Variants in SHTN1 observed in about 807,000 individuals in gnomAD.
The protein encoded by SHTN1 is shootin-1.
In SHTN1, 42 loss-of-function variants were observed where a neutral mutation model predicts 83.1. The ratio of observed to expected loss-of-function variants is 0.51; its 90% CI spans 0.39 to 0.65. The LOEUF is 0.65. Ranked by LOEUF, SHTN1 falls within the 30% of genes least tolerant of loss-of-function variation. The pLI, the probability that SHTN1 is intolerant of heterozygous loss-of-function variation, is 0.00. For missense variants in SHTN1, 622 were observed against 737.8 expected (o/e 0.84, Z 1.82); for synonymous variants, 224 against 247.7 (o/e 0.90, Z 0.90).
intron 9 of SHTN1, among the ~76,000 whole-genome samples, chr10:116,938,464 G>A (rs1244527876): frequency 6.6e-6 from 1 of 152,196 alleles, no homozygotes; most frequent in Admixed American, 6.5e-5. Context: ...GTCCACTGCT[G>A]ACCCTGTTTG....
intron 1 of SHTN1, among the ~76,000 whole-genome samples, chr10:117,115,869 G>C (rs187452328): frequency 6.6e-6 from 1 of 152,280 alleles, no homozygotes; most frequent in African/African-American, 2.4e-5. Flanking sequence ...TTAGTGTACA[G>C]TCTGAAAGTC....
intron 1 of SHTN1, among the ~76,000 whole-genome samples, chr10:117,004,802 G>A (rs1048103290): frequency 6.6e-6 from 1 of 152,206 alleles, no homozygotes; most frequent in Non-Finnish European, 1.5e-5. Context: ...GAGCTGCGGG[G>A]CCTGACTAGC....
intron 3 of SHTN1, among the ~76,000 whole-genome samples, chr10:116,961,545 C>G (rs948678449): frequency 6.6e-6 from 1 of 151,946 alleles, no homozygotes; most frequent in Non-Finnish European, 1.5e-5. Flanking sequence ...GAGCACGATA[C>G]TTGCATTATC....
chr10:116,996,322 A>C (rs1393416701), intron 1 of SHTN1, among the ~76,000 whole-genome samples: 1 of 152,190 alleles, frequency 6.6e-6, no homozygotes, highest in Non-Finnish European at 1.5e-5. Context: ...GTGAGTCTCC[A>C]AACTAACATT....
chr10:117,070,586 T>C (rs565323922), intron 1 of SHTN1, among the ~76,000 whole-genome samples: 1 of 151,998 alleles, frequency 6.6e-6, no homozygotes, highest in African/African-American at 2.4e-5. Context: ...CAATAAAAAA[T>C]AACTTTCCAC....
At chr10:117,098,137 C>T (rs927683263) in intron 1 of SHTN1, among the ~76,000 whole-genome samples, 5 of 151,158 alleles carry the variant, frequency 3.3e-5, no homozygotes, top group African/African-American at 1.2e-4. Context: ...GCCTGTAATC[C>T]CAGCACTTTG....
At chr10:116,940,404 A>AAT in intron 9 of SHTN1, 62 bp downstream of exon 9, 1 of 1,484,324 alleles carries the variant, frequency 6.7e-7, no homozygotes, top group South Asian at 1.4e-5. Context: ...CTTCATCTTA[A>AAT]ATATATGTGT....
intron 12 of SHTN1, 80 bp downstream of exon 12, chr10:116,921,354 G>A: frequency 1.0e-6 from 1 of 985,526 alleles, no homozygotes; most frequent in Non-Finnish European, 1.6e-6. Context: ...CATGTTTATA[G>A]TCAAAGAACT....
At chr10:117,005,475 C>A, upstream of SHTN1, 1 of 1,028,248 alleles carries the variant, frequency 9.7e-7, no homozygotes, top group Non-Finnish European at 1.2e-6. Context: ...GACGCGAGTT[C>A]AGAGAAAACC....
intron 1 of SHTN1, among the ~76,000 whole-genome samples, chr10:117,104,035 T>TC (rs1853639712): frequency 6.6e-6 from 1 of 152,210 alleles, no homozygotes; most frequent in Non-Finnish European, 1.5e-5. Context: ...TATTATTGTC[T>TC]CCATTTTATA....
intron 15 of SHTN1, among the ~76,000 whole-genome samples, chr10:116,902,881 G>A (rs528985202): frequency 6.2e-4 from 95 of 152,292 alleles, no homozygotes; most frequent in African/African-American, 2.1e-3. Context: ...ATCTTAAAAT[G>A]GAAAGCACTA....
intron 1 of SHTN1, among the ~76,000 whole-genome samples, chr10:117,052,668 C>A (rs1852763682): frequency 6.6e-6 from 1 of 151,904 alleles, no homozygotes; most frequent in Non-Finnish European, 1.5e-5. Flanking sequence ...TAAGATCCTT[C>A]AATGGGGAAA....
intron 2 of SHTN1, among the ~76,000 whole-genome samples, chr10:117,019,704 T>C (rs1298002258): frequency 6.6e-6 from 1 of 151,472 alleles, no homozygotes. Flanking sequence ...ATGTAGCACA[T>C]GCCTGTAGTC....
chr10:117,119,314 C>T (rs1036621144), intron 1 of SHTN1, among the ~76,000 whole-genome samples: 1 of 151,998 alleles, frequency 6.6e-6, no homozygotes, highest in African/African-American at 2.4e-5. Context: ...GATCAATAAC[C>T]AAAATATATA....
intron 12 of SHTN1, 24 bp from the exon 13 acceptor site, chr10:116,915,508 A>C (rs370882975): frequency 4.1e-5 from 54 of 1,329,298 alleles, no homozygotes; most frequent in Non-Finnish European, 5.4e-5. Flanking sequence ...ACAGACATAA[A>C]TCCTCTTATG....
At chr10:116,947,296 C>T (rs1282766774) in intron 7 of SHTN1, among the ~76,000 whole-genome samples, 1 of 152,182 alleles carries the variant, frequency 6.6e-6, no homozygotes, top group Admixed American at 6.5e-5. Flanking sequence ...CCATCCACTT[C>T]TGGTGAGTCA....
chr10:117,069,133 A>C (rs1366781888), intron 1 of SHTN1, among the ~76,000 whole-genome samples: 1 of 152,198 alleles, frequency 6.6e-6, no homozygotes, highest in African/African-American at 2.4e-5. Context: ...AAACCAGAAG[A>C]CAGTGAGGTC....
At chr10:116,916,828 T>C (rs553383207) in intron 12 of SHTN1, among the ~76,000 whole-genome samples, 5 of 152,380 alleles carry the variant, frequency 3.3e-5, no homozygotes, top group Admixed American at 2.6e-4. Context: ...ACCTAGGTTT[T>C]CTGATACCGT....
At chr10:116,953,877 C>T (rs539276069) in intron 5 of SHTN1, among the ~76,000 whole-genome samples, 165 bp downstream of exon 5, 1 of 152,242 alleles carries the variant, frequency 6.6e-6, no homozygotes, top group East Asian at 1.9e-4. Flanking sequence ...GATCCACCCG[C>T]CTTGGCCTCC....
Sources: allele counts gnomAD v4.1 joint callset (sites outside exome capture counted in the v4.1 genomes callset), GRCh38; gene constraint gnomAD v4.1.1; transcripts MANE v1.5; gene names NCBI Gene and HGNC (gene_info 2026-07-23, HGNC 2026-07-21).